Variants in HDAC9 observed in about 807,000 individuals in gnomAD.
HDAC9 encodes MEF-2 interacting transcription repressor (MITR) protein.
A neutral mutation model predicts 139.4 loss-of-function variants in HDAC9; 41 were observed. The ratio of observed to expected loss-of-function variants is 0.29; its 90% CI spans 0.23 to 0.38. The LOEUF (loss-of-function observed/expected upper bound fraction) is 0.38, where lower values mean the gene tolerates loss of function less well. Ranked by LOEUF, HDAC9 falls within the 10% of genes least tolerant of loss-of-function variation. The pLI is 1.00. For missense variants in HDAC9, 1,147 were observed against 1,297.0 expected, an observed-to-expected ratio of 0.88 and a Z score of 1.78; for synonymous variants, 517 against 476.2, an observed-to-expected ratio of 1.09 and a Z score of -1.12.
intron 1 of HDAC9, among the ~76,000 whole-genome samples, chr7:18,388,786 T>C (rs10486297): frequency 0.033 from 5,060 of 152,302 alleles, 257 homozygotes; most frequent in African/African-American, 0.11. Context: ...GAACTAAGTC[T>C]TTTGTGAATT....
rs1442130798 is a variant in HDAC9, at chr7:18,283,533, A to T, written c.25+121184A>T. On this transcript the variant is annotated intron_variant, in intron 2 of 12. Transcript: ENST00000417496. ...GTAAAGCAGAAAGTTTAACAGTGGT[A>T]TGGCTATTATTTGGTGAACTGATTA... is the stretch of plus-strand genomic sequence containing the variant. 3.3e-5 allele frequency among the ~76,000 whole-genome samples: 5 copies of T among 152,338 alleles called. No individual in the cohort carries two copies. The South Asian group carries it at 6.2e-4, about 19-fold the overall frequency.
intron 25 of HDAC9, among the ~76,000 whole-genome samples, chr7:18,989,533 T>C (rs1407993858): frequency 6.7e-6 from 1 of 150,116 alleles, no homozygotes; most frequent in African/African-American, 2.5e-5. Context: ...TTATGTGTCT[T>C]GGAGTTGCTC....
At position 18,997,017 on chromosome 7, in the gene HDAC9, C is replaced by A. The variant is rs1786504372; in HGVS notation, c.*955C>A. The A allele has an allele frequency of 6.6e-6, 1 of 152,062 alleles. No individual in the cohort carries two copies. Among genetic ancestry groups the A allele is most frequent in the Admixed American group, 6.5e-5 (1 of 15,268 alleles). 9.4% of individuals were successfully genotyped at this position (152,062 alleles called of 1,614,324 possible). ...TTTTCTGCCCTCTATCAATTGATTT[C>A]TTCTTACCTTTCATCATTCATTCCT... On this transcript the variant is annotated 3_prime_UTR_variant, in exon 26 of 26. Transcript: ENST00000686413.
intron 1 of HDAC9, among the ~76,000 whole-genome samples, chr7:18,336,572 AT>A (rs1038122846): frequency 1.5e-4 from 22 of 151,648 alleles, no homozygotes; most frequent in African/African-American, 5.1e-4. Context: ...TTTGGCTGCA[AT>A]CCTAGCCATT....
intron 2 of HDAC9, among the ~76,000 whole-genome samples, chr7:18,170,206 A>G (rs4530934): frequency 0.14 from 20,975 of 152,134 alleles, 2,313 homozygotes; most frequent in African/African-American, 0.31. Context: ...TTCTCTGATG[A>G]CCAGTGATGA....
chr7:18,824,309 C>A (rs1055034651), intron 17 of HDAC9, among the ~76,000 whole-genome samples: 1 of 152,126 alleles, frequency 6.6e-6, no homozygotes, highest in African/African-American at 2.4e-5. Context: ...TAACCTATGG[C>A]AACCTGAGCA....
intron 1 of HDAC9, among the ~76,000 whole-genome samples, chr7:18,309,373 A>C (rs1799148648): frequency 6.6e-6 from 1 of 152,186 alleles, no homozygotes; most frequent in South Asian, 2.1e-4. Context: ...GTTTTGACAA[A>C]GTAATACCAG....
chr7:18,326,188 T>C (rs955942648), intron 1 of HDAC9, among the ~76,000 whole-genome samples: 10 of 152,114 alleles, frequency 6.6e-5, no homozygotes, highest in African/African-American at 2.4e-4. Flanking sequence ...AAAGATCTGT[T>C]ATTGTCTTAT....
intron 1 of HDAC9, among the ~76,000 whole-genome samples, chr7:18,121,863 ACT>A (rs1784384119): frequency 6.6e-6 from 1 of 152,194 alleles, no homozygotes; most frequent in African/African-American, 2.4e-5. Context: ...AGGATTAGAC[ACT>A]CTGAAACTCT....
At chr7:18,517,388 T>C (rs1179065413) in intron 2 of HDAC9, among the ~76,000 whole-genome samples, 1 of 152,212 alleles carries the variant, frequency 6.6e-6, no homozygotes, top group Non-Finnish European at 1.5e-5. Flanking sequence ...TATGGTCCCT[T>C]ACACCTGGTA....
chr7:18,679,703 A>G (rs1417998350), intron 12 of HDAC9, among the ~76,000 whole-genome samples: 1 of 151,864 alleles, frequency 6.6e-6, no homozygotes, highest in African/African-American at 2.4e-5. Context: ...TATAGTAAGA[A>G]ATAATATGTC....
intron 22 of HDAC9, among the ~76,000 whole-genome samples, chr7:18,887,231 G>C (rs1157260157): frequency 6.6e-6 from 1 of 152,146 alleles, no homozygotes. Flanking sequence ...GGCCCTGTTA[G>C]GCATGCTGGG....
chr7:18,599,370 A>C (rs1168437875), intron 6 of HDAC9, among the ~76,000 whole-genome samples: 1 of 152,216 alleles, frequency 6.6e-6, no homozygotes, highest in African/African-American at 2.4e-5. Flanking sequence ...TATGAGATTT[A>C]ACAAATGTGT....
At chr7:18,308,964 C>T (rs1237734517) in intron 1 of HDAC9, among the ~76,000 whole-genome samples, 1 of 152,168 alleles carries the variant, frequency 6.6e-6, no homozygotes, top group African/African-American at 2.4e-5. Context: ...TGAACAAAGT[C>T]ACATGGCTGG....
At chr7:18,515,054 A>G (rs895591487) in intron 2 of HDAC9, among the ~76,000 whole-genome samples, 3 of 152,234 alleles carry the variant, frequency 2.0e-5, no homozygotes, top group Non-Finnish European at 2.9e-5. Context: ...AACTTTTTCT[A>G]AACTCCAGTT....
chr7:18,562,348 T>G (rs1268017056), intron 2 of HDAC9, among the ~76,000 whole-genome samples: 1 of 152,324 alleles, frequency 6.6e-6, no homozygotes, highest in East Asian at 1.9e-4. Flanking sequence ...TTATTGCTTC[T>G]GCTTCTGATT....
intron 1 of HDAC9, among the ~76,000 whole-genome samples, chr7:18,398,987 A>G (rs1223000350): frequency 6.6e-6 from 1 of 152,076 alleles, no homozygotes; most frequent in Non-Finnish European, 1.5e-5. Context: ...ATATTTTATG[A>G]TGATTTGATT....
At chr7:18,536,323 A>G (rs1397051799) in intron 2 of HDAC9, among the ~76,000 whole-genome samples, 3 of 152,112 alleles carry the variant, frequency 2.0e-5, no homozygotes, top group Non-Finnish European at 4.4e-5. Context: ...TCTCTACTCT[A>G]CTATAAGCAT....
At chr7:18,821,002 C>A (rs961969483) in intron 17 of HDAC9, among the ~76,000 whole-genome samples, 2 of 152,116 alleles carry the variant, frequency 1.3e-5, no homozygotes, top group African/African-American at 4.8e-5. Flanking sequence ...GGGATCAAGT[C>A]CAAGATCAAG....
Sources: gnomAD v4.1 joint callset for allele counts (sites outside exome capture counted in the v4.1 genomes callset) on GRCh38, gnomAD v4.1.1 for gene constraint, MANE v1.5 for transcripts, NCBI Gene and HGNC (gene_info 2026-07-23, HGNC 2026-07-21) for gene names.